ERC1: variants seen among roughly 807,000 people sequenced by gnomAD.
ERC1 encodes the protein ELKS/RAB6-interacting/CAST family member 1, also known as RAB6 interacting protein 2.
In ERC1, 56 loss-of-function variants were observed where a neutral mutation model predicts 132.0. The ratio of observed to expected loss-of-function variants is 0.42; its 90% CI spans 0.34 to 0.53. The LOEUF (loss-of-function observed/expected upper bound fraction) is 0.53, where lower values mean the gene tolerates loss of function less well. ERC1 is among the 20% of genes least tolerant of loss of function. The probability of loss-of-function intolerance (pLI) is 0.03; values close to 1 mark genes in which losing one functional copy is unlikely to be tolerated. For missense variants in ERC1, 1,202 were observed against 1,349.9 expected (o/e 0.89, Z 1.72); for synonymous variants, 478 against 476.1 (o/e 1.00, Z -0.05).
At chr12:1,361,752 T>G (rs780748819) in intron 15 of ERC1, among the ~76,000 whole-genome samples, 1 of 152,308 alleles carries the variant, frequency 6.6e-6, no homozygotes, top group East Asian at 1.9e-4. Flanking sequence ...ATTAAAAAAC[T>G]GAGGATGTAA....
At chr12:1,219,870 C>T (rs1179147536) in intron 12 of ERC1, among the ~76,000 whole-genome samples, 1 of 152,134 alleles carries the variant, frequency 6.6e-6, no homozygotes, top group Non-Finnish European at 1.5e-5. Context: ...AGCCACCGCA[C>T]CTGGCCTGAA....
Position 1,333,908 on chromosome 12 carries a change from C to T in ERC1, c.2781-37925C>T, listed in dbSNP as rs573076683. ...GTTCAGGTTCCTTTTCCCACAACCT[C>T]GCCAGCATCTGTTATTTTTTTACTT... On this transcript the variant is annotated intron_variant, in intron 15 of 18. Transcript: ENST00000360905. Among the ~76,000 whole-genome samples the T allele has an allele frequency of 3.9e-5, 6 of 152,268 alleles. No individual in the cohort carries two copies. The East Asian group carries it at 7.7e-4, about 20-fold the overall frequency.
intron 7 of ERC1, among the ~76,000 whole-genome samples, chr12:1,124,608 A>G (rs868073731): frequency 5.2e-3 from 33 of 6,302 alleles, no homozygotes; most frequent in Admixed American, 9.1e-3. Context: ...GGAAACTTAG[A>G]AAAAACAGTT....
chr12:1,072,338 A>G (rs1940541740), intron 2 of ERC1, among the ~76,000 whole-genome samples: 1 of 152,204 alleles, frequency 6.6e-6, no homozygotes, highest in East Asian at 1.9e-4. Context: ...TATGAAGGAA[A>G]ATTTATGAAG....
chr12:1,175,739 T>C (rs1298042377), intron 8 of ERC1, among the ~76,000 whole-genome samples: 2 of 152,066 alleles, frequency 1.3e-5, no homozygotes, highest in Non-Finnish European at 2.9e-5. Flanking sequence ...TTCTCCATGT[T>C]GGCCAGGCTG....
In ERC1 at chr12:1,141,651, A is replaced by G. The variant is rs1409901691; in HGVS notation, c.1601A>G (p.Lys534Arg). 2 of 1,612,950 alleles carry G rather than the reference A, an allele frequency of 1.2e-6. No homozygotes were observed. Among genetic ancestry groups the G allele is most frequent in the Admixed American group, 1.7e-5 (1 of 59,932 alleles). Residue 534 changes from lysine to arginine, a missense_variant, in exon 8 of 19, where the codon AAG becomes AGG. By Grantham distance (26) the Lys-to-Arg change is conservative (BLOSUM62 2). Transcript: ENST00000360905. ...VDALRLRLEE[K>R]ETMLNKKTKQ... The stretch of plus-strand genomic sequence containing the variant: ...GCTCTCCGATTGCGTTTGGAAGAGA[A>G]GGAAACCATGTTGAATAAAAAGACA...
Position 1,478,798 on chromosome 12 carries a change from A to AAG in ERC1, c.3214-11277_3214-11276dup, listed in dbSNP as rs916577984. On this transcript the variant is annotated intron_variant, in intron 18 of 18. Coordinates refer to ENST00000360905, the MANE Select transcript of ERC1 (RefSeq NM_178040.4). ...AGTGAGACTCTGTCTCAATAAAAAA[A>AAG]AGAGAGAGAGAGAGAGAGACAGAAA... Among the ~76,000 whole-genome samples the AAG allele has an allele frequency of 4.2e-4, 64 of 151,126 alleles. 1 individual carries two copies. The highest frequency in any genetic ancestry group is 7.8e-4 in the East Asian group (4 of 5,152).
intron 8 of ERC1, among the ~76,000 whole-genome samples, chr12:1,176,866 A>G (rs1005337697): frequency 3.1e-4 from 47 of 152,360 alleles, no homozygotes; most frequent in African/African-American, 7.5e-4. Context: ...AGTAACTTCA[A>G]TGGCAAAACT....
chr12:1,191,943 A>G (rs75936394), intron 12 of ERC1, among the ~76,000 whole-genome samples: 2,011 of 152,294 alleles, frequency 0.013, 47 homozygotes, highest in African/African-American at 0.046. Flanking sequence ...GATGCTGAAT[A>G]AACAGTAGAA....
chr12:1,300,033 G>A (rs532896432), intron 15 of ERC1, among the ~76,000 whole-genome samples: 1 of 152,214 alleles, frequency 6.6e-6, no homozygotes, highest in African/African-American at 2.4e-5. Context: ...AAAGAACAAA[G>A]CTGGAGGCAT....
intron 2 of ERC1, among the ~76,000 whole-genome samples, chr12:1,032,699 C>T (rs77885888): frequency 1.4e-3 from 217 of 152,286 alleles, no homozygotes; most frequent in African/African-American, 5.0e-3. Flanking sequence ...GACAGCAGAG[C>T]AGAGAAGTAC....
At chr12:1,296,517 G>A (rs928220602) in intron 15 of ERC1, among the ~76,000 whole-genome samples, 6 of 145,904 alleles carry the variant, frequency 4.1e-5, no homozygotes, top group Admixed American at 7.2e-5. Context: ...GGGTTCAGGC[G>A]ATCCTCCTGC....
chr12:1,180,743 A>AGAATACAAAAGAAATC, intron 9 of ERC1, 66 bp downstream of exon 9: 1 of 1,570,918 alleles, frequency 6.4e-7, no homozygotes, highest in Non-Finnish European at 8.7e-7. Flanking sequence ...GACTGGATAT[A>AGAATACAAAAGAAATC]GAATACAAAA....
rs1938091482 is a variant in ERC1 at position 1,062,059 on chromosome 12, C to T, written c.670-21105C>T. ...AGGCTGGAGTGCAGTGGCATGATCTCGGCTCACTGCAAGCTCTGCCTCCCG... is the reference window on the plus strand; with the variant it reads ...AGGCTGGAGTGCAGTGGCATGATCTTGGCTCACTGCAAGCTCTGCCTCCCG... On this transcript the variant is annotated intron_variant, in intron 2 of 18. Transcript: ENST00000360905. Among the ~76,000 whole-genome samples, 4 of 139,904 alleles carry T rather than the reference C, an allele frequency of 2.9e-5. No homozygotes were observed. The South Asian group carries it at 6.7e-4, about 24-fold the overall frequency. 91.8% of individuals were successfully genotyped at this position (139,904 alleles called of 152,430 possible).
At chr12:1,219,573 G>A (rs1594313044) in intron 12 of ERC1, among the ~76,000 whole-genome samples, 1 of 151,382 alleles carries the variant, frequency 6.6e-6, no homozygotes, top group East Asian at 1.9e-4. Context: ...TTTTCCAATG[G>A]CTATCTGCTT....
chr12:1,141,137 T>G (rs1365080800), intron 7 of ERC1, among the ~76,000 whole-genome samples: 1 of 152,210 alleles, frequency 6.6e-6, no homozygotes, highest in Non-Finnish European at 1.5e-5. Context: ...TCTTGCTGTC[T>G]AAAAAGTAGA....
At chr12:1,348,136 A>G (rs2084657650) in intron 15 of ERC1, among the ~76,000 whole-genome samples, 1 of 152,176 alleles carries the variant, frequency 6.6e-6, no homozygotes, top group Non-Finnish European at 1.5e-5. Context: ...AGCATTTGCT[A>G]ATAAGGAACC....
chr12:1,141,608 C>G lies in ERC1; in HGVS notation c.1570-12C>G. 1 of 1,590,154 alleles carries G rather than the reference C, an allele frequency of 6.3e-7. No homozygotes were observed. Among genetic ancestry groups the G allele is most frequent in the Non-Finnish European group, 8.6e-7 (1 of 1,169,468 alleles). On this transcript the variant is annotated splice_polypyrimidine_tract_variant and intron_variant, in intron 7 of 18. Transcript: ENST00000360905. ...TTTTAATTCATCACTTGTAAAACTC[C>G]TACATTCTTAGGTGGATGCTCTCCG...
chr12:1,440,303 C>CA (rs1164388349), intron 17 of ERC1, among the ~76,000 whole-genome samples: 1 of 143,818 alleles, frequency 7.0e-6, no homozygotes, highest in Admixed American at 7.0e-5. Context: ...CTCCTGGGTT[C>CA]ACGCCATTCT....
Sources: allele counts gnomAD v4.1 joint callset (sites outside exome capture counted in the v4.1 genomes callset), GRCh38; gene constraint gnomAD v4.1.1; transcripts MANE v1.5; gene names NCBI Gene and HGNC (gene_info 2026-07-23, HGNC 2026-07-21).